The following CATSPER3 variants were observed in gnomAD, a reference collection of about 807,000 sequenced individuals.
CATSPER3 encodes cation channel sperm associated 3, also known as cation channel sperm-associated protein 3.
CATSPER3 carries 23 observed loss-of-function variants against 36.6 expected under a neutral mutation model. The ratio of observed to expected loss-of-function variants is 0.63; its 90% CI spans 0.45 to 0.89. CATSPER3 has a LOEUF of 0.89. CATSPER3 is among the 40% of genes least tolerant of loss of function. The pLI, the probability that CATSPER3 is intolerant of heterozygous loss-of-function variation, is 0.00. For synonymous variants in CATSPER3, 172 were observed against 184.1 expected (o/e 0.93, Z 0.53); for missense variants, 474 against 503.9 (o/e 0.94, Z 0.57).
intron 2 of CATSPER3, among the ~76,000 whole-genome samples, chr5:134,979,293 T>C (rs1031450868): frequency 5.3e-5 from 8 of 152,148 alleles, no homozygotes; most frequent in Admixed American, 1.3e-4. Context: ...TGCACCATCA[T>C]GCCCAGCTAA....
At chr5:134,977,529 T>G (rs933943371) in intron 2 of CATSPER3, among the ~76,000 whole-genome samples, 3 of 152,192 alleles carry the variant, frequency 2.0e-5, no homozygotes, top group Non-Finnish European at 2.9e-5. Context: ...TCACTGTCCA[T>G]GTCTTTATCA....
At chr5:134,982,179 TAAATG>T (rs1030496951) in intron 2 of CATSPER3, among the ~76,000 whole-genome samples, 2 of 152,072 alleles carry the variant, frequency 1.3e-5, no homozygotes, top group Non-Finnish European at 2.9e-5. Context: ...AAAATGATGA[TAAATG>T]AACAGAGCCT....
chr5:134,992,384 C>G (rs1329056578), intron 2 of CATSPER3, among the ~76,000 whole-genome samples: 3 of 151,972 alleles, frequency 2.0e-5, no homozygotes, highest in African/African-American at 4.8e-5. Context: ...ATGAAAACCA[C>G]AATGAGATAC....
chr5:134,986,685 A>G lies in CATSPER3; in HGVS notation c.253-9588A>G, dbSNP rs558449697. On this transcript the variant is annotated intron_variant, in intron 2 of 7. Coordinates refer to ENST00000282611, the MANE Select transcript of CATSPER3 (RefSeq NM_178019.3). ...GCCATGTTGGCCAGGCTGGTCTCGA[A>G]CTCCTGACCTCAGGTGATCCACCTG... Among the ~76,000 whole-genome samples the G allele has an allele frequency of 3.3e-5, 5 of 151,456 alleles. No individual in the cohort carries two copies. The East Asian group carries it at 9.7e-4, about 29-fold the overall frequency.
chr5:134,968,748 T>C (rs1242678321), intron 1 of CATSPER3: 3 of 152,036 alleles, frequency 2.0e-5, no homozygotes, highest in Non-Finnish European at 4.4e-5. Context: ...TTTTTTAACT[T>C]ATGAGAATGT....
intron 2 of CATSPER3, chr5:134,975,259 T>C (rs1285053779): frequency 6.6e-6 from 1 of 152,078 alleles, no homozygotes; most frequent in African/African-American, 2.4e-5. Flanking sequence ...GAGAGAGCCC[T>C]GATCTCTCAC....
intron 3 of CATSPER3, among the ~76,000 whole-genome samples, chr5:134,998,381 C>T (rs1178832936): frequency 6.6e-6 from 1 of 152,182 alleles, no homozygotes; most frequent in Non-Finnish European, 1.5e-5. Context: ...AATAAACATA[C>T]ATGTGCATGT....
chr5:135,001,614 T>A (rs1409096894), intron 3 of CATSPER3, among the ~76,000 whole-genome samples: 1 of 152,194 alleles, frequency 6.6e-6, no homozygotes, highest in African/African-American at 2.4e-5. Context: ...TTTGTAGGTC[T>A]CTAAGGACTT....
rs146238260 is a variant in CATSPER3 at position 135,009,377 on chromosome 5, A to C, written c.823A>C (p.Ile275Leu). ...GVMIMHTEDS[I>L]RKFERELMLE... is the part of the protein sequence containing the mutation. ...CCATCGTCTGACTCTCTAGGACTCC[A>C]TCAGAAAGTTTGAGCGAGAGCTGAT... The change falls in exon 6 of 8, where the codon ATC becomes CTC. Residue 275 changes from isoleucine to leucine, a missense_variant. Transcript: ENST00000282611. 340 of 1,613,482 alleles carry C rather than the reference A, an allele frequency of 2.1e-4. No homozygotes were observed. In the African/African-American group the frequency reaches 4.0e-3, roughly 19 times the overall value.
chr5:135,009,368 T>C lies in CATSPER3; in HGVS notation c.817-3T>C, dbSNP rs564473634. The C allele has an allele frequency of 3.1e-6, 5 of 1,613,158 alleles. No homozygotes were observed. Among genetic ancestry groups the C allele is most frequent in the Non-Finnish European group, 4.2e-6 (5 of 1,179,634 alleles). On this transcript the variant is annotated splice_polypyrimidine_tract_variant and splice_region_variant and intron_variant, in intron 5 of 7. Transcript: ENST00000282611. ...AGTTGACCTCCATCGTCTGACTCTC[T>C]AGGACTCCATCAGAAAGTTTGAGCG...
At chr5:134,994,136 TAAA>T (rs957846100) in intron 2 of CATSPER3, among the ~76,000 whole-genome samples, 1 of 151,958 alleles carries the variant, frequency 6.6e-6, no homozygotes, top group Non-Finnish European at 1.5e-5. Context: ...AAAAAAACTA[TAAA>T]AAAGGTGAAA....
intron 2 of CATSPER3, among the ~76,000 whole-genome samples, chr5:134,985,925 C>G (rs1751802421): frequency 6.6e-6 from 1 of 151,124 alleles, no homozygotes; most frequent in African/African-American, 2.4e-5. Flanking sequence ...AAAATCCCCC[C>G]AAACAAAAAA....
At chr5:134,983,889 A>G (rs978048628) in intron 2 of CATSPER3, among the ~76,000 whole-genome samples, 5 of 152,234 alleles carry the variant, frequency 3.3e-5, no homozygotes, top group Non-Finnish European at 7.3e-5. Context: ...TCCAAATTAT[A>G]CCACAAGGTT....
chr5:135,005,718 A>G (rs891400350), intron 3 of CATSPER3, among the ~76,000 whole-genome samples: 3 of 152,248 alleles, frequency 2.0e-5, no homozygotes, highest in African/African-American at 4.8e-5. Flanking sequence ...ACCTATGACA[A>G]TGAACCTGCA....
At chr5:135,009,239 C>G (rs299378) in intron 5 of CATSPER3, 132 bp from the exon 6 acceptor site, 978,084 of 1,033,304 alleles carry the variant, frequency 0.95, 463,284 homozygotes, top group East Asian at 1. Context: ...GCTTGAGTGG[C>G]GGCTGGCCCT....
At chr5:135,009,806 G>A (rs1478883424) in intron 6 of CATSPER3, among the ~76,000 whole-genome samples, 1 of 152,206 alleles carries the variant, frequency 6.6e-6, no homozygotes, top group African/African-American at 2.4e-5. Flanking sequence ...GGGACTCACT[G>A]GATGCCAGGC....
intron 2 of CATSPER3, among the ~76,000 whole-genome samples, chr5:134,988,762 CA>C (rs1208579615): frequency 2.6e-5 from 4 of 152,104 alleles, no homozygotes. Flanking sequence ...GGGTTGGAAT[CA>C]ACCTCTTCCA....
chr5:134,979,638 T>C (rs1340859025), intron 2 of CATSPER3, among the ~76,000 whole-genome samples: 1 of 152,196 alleles, frequency 6.6e-6, no homozygotes, highest in African/African-American at 2.4e-5. Flanking sequence ...ACAACGGACA[T>C]ACTGAAGTGT....
At chr5:134,999,417 TTAAAG>T (rs1751993098) in intron 3 of CATSPER3, among the ~76,000 whole-genome samples, 2 of 152,148 alleles carry the variant, frequency 1.3e-5, no homozygotes, top group South Asian at 2.1e-4. Flanking sequence ...CATATGAACT[TTAAAG>T]TAGTTTTTTC....
Sources: allele counts gnomAD v4.1 joint callset (sites outside exome capture counted in the v4.1 genomes callset), GRCh38; gene constraint gnomAD v4.1.1; transcripts MANE v1.5; gene names NCBI Gene and HGNC (gene_info 2026-07-23, HGNC 2026-07-21).